The following PCDHA4 variants were observed in gnomAD, a reference collection of about 807,000 sequenced individuals.
PCDHA4 encodes protocadherin alpha 4.
In PCDHA4, 49 loss-of-function variants were observed where a neutral mutation model predicts 61.4. That is an observed-to-expected ratio of 0.80 (90% CI 0.63 to 1.01). The LOEUF is 1.01. Ranked by LOEUF, PCDHA4 falls within the 50% of genes least tolerant of loss-of-function variation. PCDHA4 has a pLI of 0.00. For missense variants in PCDHA4, 1,254 were observed against 1,235.8 expected, an observed-to-expected ratio of 1.01 and a Z score of -0.22; for synonymous variants, 590 against 550.3, an observed-to-expected ratio of 1.07 and a Z score of -1.01.
Position 140,828,817 on chromosome 5 carries a change from C to G in PCDHA4, c.2385+19245C>G. On this transcript the variant is annotated intron_variant, in intron 1 of 3. Coordinates refer to ENST00000530339, the MANE Select transcript of PCDHA4 (RefSeq NM_018907.4). ...ATGTGAATGATAATGCTCCCACTTT[C>G]GAACAGTCTGAATACGAAGTAAGAA... 3 of 1,614,148 alleles carry G rather than the reference C, an allele frequency of 1.9e-6. No individual in the cohort carries two copies. The African/African-American group carries it at 4.0e-5, about 22-fold the overall frequency.
chr5:140,985,401 C>T (rs2097150530), intron 3 of PCDHA4, among the ~76,000 whole-genome samples: 1 of 152,108 alleles, frequency 6.6e-6, no homozygotes, highest in Non-Finnish European at 1.5e-5. Flanking sequence ...CCAACTGTTC[C>T]CCTGGAAATG....
At chr5:140,895,207 T>C (rs1392562241) in intron 1 of PCDHA4, among the ~76,000 whole-genome samples, 2 of 152,208 alleles carry the variant, frequency 1.3e-5, no homozygotes, top group Non-Finnish European at 2.9e-5. Context: ...TTTGCTTTTA[T>C]TTCTAATATT....
chr5:140,822,398 G>A (rs2150116065), intron 1 of PCDHA4: 2 of 1,614,062 alleles, frequency 1.2e-6, no homozygotes, highest in East Asian at 2.2e-5. Context: ...CAAGAACACC[G>A]TTTATTAGTG....
At chr5:140,982,658 C>G (rs530615346) in intron 3 of PCDHA4, 95 bp downstream of exon 3, 2 of 1,487,730 alleles carry the variant, frequency 1.3e-6, no homozygotes, top group East Asian at 4.9e-5. Context: ...GGCTCTTTTT[C>G]TTTTATATTT....
At chr5:140,952,993 C>G (rs1273513255) in intron 1 of PCDHA4, among the ~76,000 whole-genome samples, 1 of 152,106 alleles carries the variant, frequency 6.6e-6, no homozygotes, top group Non-Finnish European at 1.5e-5. Flanking sequence ...CTCATGAGAA[C>G]TCTCTCACTA....
At chr5:140,870,219 C>A (rs1188426625) in intron 1 of PCDHA4, 2 of 1,614,034 alleles carry the variant, frequency 1.2e-6, no homozygotes, top group Non-Finnish European at 1.7e-6. Flanking sequence ...CCCTGATCAG[C>A]GTGTCTGACC....
In PCDHA4 at chr5:140,862,417, T is replaced by G. The variant is rs77196804; in HGVS notation, c.2385+52845T>G. ...GCTGGTGTCTACCTTCAAAAGGCGCTGCCCAGAAACTATTCGTTGGTACTC... is the reference window on the plus strand; with the variant it reads ...GCTGGTGTCTACCTTCAAAAGGCGCGGCCCAGAAACTATTCGTTGGTACTC... On this transcript the variant is annotated intron_variant, in intron 1 of 3. Coordinates refer to ENST00000530339, the MANE Select transcript of PCDHA4 (RefSeq NM_018907.4). 1.4e-3 allele frequency: 485 copies of G among 351,378 alleles called. 3 individuals are homozygous for G. Among genetic ancestry groups the G allele is most frequent in the African/African-American group, 9.6e-3 (451 of 46,736 alleles). 21.8% of individuals were successfully genotyped at this position (351,378 alleles called of 1,614,324 possible).
intron 1 of PCDHA4, among the ~76,000 whole-genome samples, chr5:140,943,562 T>G (rs246066): frequency 0.58 from 88,255 of 152,018 alleles, 26,572 homozygotes; most frequent in African/African-American, 0.75. Flanking sequence ...ACAATAATCA[T>G]TTTAATTTGT....
At position 140,978,793 on chromosome 5, in the gene PCDHA4, A is replaced by G. The variant is rs1241254692; in HGVS notation, c.2386-156A>G. 4.1e-6 allele frequency: 4 copies of G among 977,674 alleles called. No individual in the cohort carries two copies. In the African/African-American group the frequency reaches 7.0e-5, roughly 17 times the overall value. The allele number at this position is 977,674 out of a possible 1,614,324, so 60.6% of individuals were successfully genotyped here. On this transcript the variant is annotated intron_variant, in intron 1 of 3. Coordinates refer to ENST00000530339, the MANE Select transcript of PCDHA4 (RefSeq NM_018907.4). ...CTAATTTTCTTCTAAAGTGCTATAT[A>G]TGTAGATATCATCATAGAGTTACAC... is the stretch of plus-strand genomic sequence containing the variant.
chr5:140,859,951 A>G (rs1376166288), intron 1 of PCDHA4: 3 of 151,970 alleles, frequency 2.0e-5, no homozygotes, highest in African/African-American at 7.3e-5. Context: ...ACTCATATCA[A>G]TTGTAAAAGT....
chr5:140,850,309 C>A, intron 1 of PCDHA4: 1 of 1,597,088 alleles, frequency 6.3e-7, no homozygotes, highest in Non-Finnish European at 8.6e-7. Context: ...GGCTACAACG[C>A]GTGGCTTTCA....
rs2150459394 is a variant in PCDHA4 at position 140,849,947 on chromosome 5, G to T, written c.2385+40375G>T. On this transcript the variant is annotated intron_variant, in intron 1 of 3. Transcript: ENST00000530339. The stretch of plus-strand genomic sequence containing the variant: ...CGGTGTCTGCGCGGGACGCTGACGC[G>T]CAGGAGAACGCCCTGGTGTCCTACT... 4 of 1,597,722 alleles carry T rather than the reference G, an allele frequency of 2.5e-6. No homozygotes were observed. In the African/African-American group the frequency reaches 4.0e-5, roughly 16 times the overall value.
chr5:140,969,506 G>T, intron 1 of PCDHA4: 1 of 1,427,058 alleles, frequency 7.0e-7, no homozygotes, highest in Non-Finnish European at 9.3e-7. Flanking sequence ...TAGAAAAATA[G>T]CACTAAAGAA....
Position 140,883,541 on chromosome 5 carries a change from G to T in PCDHA4, c.2385+73969G>T, listed in dbSNP as rs781952906. On this transcript the variant is annotated intron_variant, in intron 1 of 3. Coordinates refer to ENST00000530339, the MANE Select transcript of PCDHA4 (RefSeq NM_018907.4). Reference sequence around the variant, plus strand: ...GAGCGTATCAGCCTATGAACTGGTGGTGACCGCGCGGGACGGGGGCTCGCC... The same window carrying T: ...GAGCGTATCAGCCTATGAACTGGTGTTGACCGCGCGGGACGGGGGCTCGCC... 4.3e-6 allele frequency: 7 copies of T among 1,614,116 alleles called. No individual in the cohort carries two copies. In the East Asian group the frequency reaches 1.1e-4, roughly 26 times the overall value.
intron 1 of PCDHA4, among the ~76,000 whole-genome samples, chr5:140,889,948 A>G (rs956594809): frequency 6.6e-6 from 1 of 152,194 alleles, no homozygotes; most frequent in Admixed American, 6.6e-5. Flanking sequence ...TGAGAAGCCA[A>G]ATGGATAGAA....
At chr5:141,005,725 A>AAAAAAG (rs2098234610) in intron 3 of PCDHA4, among the ~76,000 whole-genome samples, 2 of 150,088 alleles carry the variant, frequency 1.3e-5, no homozygotes, top group Admixed American at 6.6e-5. Flanking sequence ...AAAAAAAAAA[A>AAAAAAG]AAAAAAGAAT....
intron 1 of PCDHA4, chr5:140,871,156 G>A (rs200268029): frequency 4.7e-5 from 76 of 1,613,328 alleles, no homozygotes; most frequent in Admixed American, 3.0e-4. Context: ...TTTGGCGGGC[G>A]CCGCGAGCCC....
chr5:140,823,944 G>T, intron 1 of PCDHA4: 1 of 1,613,944 alleles, frequency 6.2e-7, no homozygotes, highest in African/African-American at 1.3e-5. Context: ...TGCGGTGCTC[G>T]GCGCAGCCCA....
At chr5:140,899,512 G>T (rs4386771) in intron 1 of PCDHA4, among the ~76,000 whole-genome samples, 1 of 152,040 alleles carries the variant, frequency 6.6e-6, no homozygotes, top group African/African-American at 2.4e-5. Flanking sequence ...TGCATATATT[G>T]CATCCCAGGG....
Sources: allele counts gnomAD v4.1 joint callset (sites outside exome capture counted in the v4.1 genomes callset), GRCh38; gene constraint gnomAD v4.1.1; transcripts MANE v1.5; gene names NCBI Gene and HGNC (gene_info 2026-07-23, HGNC 2026-07-21).